MTCL3: variants seen among roughly 807,000 people sequenced by gnomAD.
The protein encoded by MTCL3 is microtubule cross-linking factor 3.
chr6:127,518,615 A>G, the MTCL3 span: 1 of 83,562 alleles, frequency 1.2e-5, no homozygotes, highest in Non-Finnish European at 2.7e-5. Flanking sequence ...TAGCTGAACA[A>G]ATCAACAGCA....
the MTCL3 span, among the ~76,000 whole-genome samples, chr6:127,501,047 C>T: frequency 5.9e-5 from 9 of 152,268 alleles, no homozygotes; most frequent in South Asian, 1.9e-3. Context: ...CTCCTGACCT[C>T]GTGATCTGCC....
chr6:127,498,381 G>A, the MTCL3 span, among the ~76,000 whole-genome samples: 1 of 152,144 alleles, frequency 6.6e-6, no homozygotes, highest in Non-Finnish European at 1.5e-5. Flanking sequence ...CCACAATGAT[G>A]TATCATTTGA....
chr6:127,498,903 T>C, the MTCL3 span, among the ~76,000 whole-genome samples: 6 of 152,096 alleles, frequency 3.9e-5, no homozygotes, highest in Non-Finnish European at 7.4e-5. Flanking sequence ...TAGTGGCTGA[T>C]TGGGGTTAGA....
At chr6:127,512,814 C>A in the MTCL3 span, 2 of 1,358,820 alleles carry the variant, frequency 1.5e-6, no homozygotes, top group South Asian at 1.6e-5. Context: ...AATTTTTTAA[C>A]AGTCATATTA....
At chr6:127,500,217 G>T in the MTCL3 span, among the ~76,000 whole-genome samples, 2 of 152,096 alleles carry the variant, frequency 1.3e-5, no homozygotes, top group Non-Finnish European at 2.9e-5. Context: ...AAAATAATCT[G>T]ACCTACAAAG....
chr6:127,518,965 G>A, the MTCL3 span: 1 of 144,624 alleles, frequency 6.9e-6, no homozygotes, highest in African/African-American at 2.5e-5. Context: ...GAGAAGGCGG[G>A]ATTGCAAGGG....
chr6:127,511,852 G>T, the MTCL3 span, among the ~76,000 whole-genome samples: 1 of 152,100 alleles, frequency 6.6e-6, no homozygotes, highest in African/African-American at 2.4e-5. Flanking sequence ...GTTGATAATT[G>T]CACTGTTATT....
At chr6:127,482,738 A>G in the MTCL3 span, among the ~76,000 whole-genome samples, 1 of 152,248 alleles carries the variant, frequency 6.6e-6, no homozygotes, top group Non-Finnish European at 1.5e-5. The surrounding 1 kb of genome is among the most constrained non-coding windows in gnomAD (Gnocchi z 4.1). Context: ...GGTTGGCTTT[A>G]TAAGTAAATA....
chr6:127,476,048 G>T, the MTCL3 span: 15 of 1,612,504 alleles, frequency 9.3e-6, no homozygotes, highest in South Asian at 1.1e-4. This position sits in a 1 kb window ranked among gnomAD's most constrained non-coding sequence, Gnocchi z 4.4. Flanking sequence ...ACGTTCCTCC[G>T]CAGCAGCTCC....
chr6:127,481,325 A>G, the MTCL3 span: 6 of 985,458 alleles, frequency 6.1e-6, no homozygotes, highest in Non-Finnish European at 7.2e-6. Flanking sequence ...AAGTGACAGC[A>G]AAGACAGAGT....
chr6:127,487,571 A>G, the MTCL3 span, among the ~76,000 whole-genome samples: 3 of 152,164 alleles, frequency 2.0e-5, no homozygotes, highest in Non-Finnish European at 2.9e-5. Flanking sequence ...TTTTCCTTCT[A>G]TTACATCCTT....
chr6:127,495,054 G>C, the MTCL3 span, among the ~76,000 whole-genome samples: 1 of 151,492 alleles, frequency 6.6e-6, no homozygotes. Flanking sequence ...AAAAGTAGCC[G>C]GGCATGGTGG....
At chr6:127,505,197 C>T in the MTCL3 span, among the ~76,000 whole-genome samples, 3 of 152,132 alleles carry the variant, frequency 2.0e-5, no homozygotes, top group Non-Finnish European at 4.4e-5. Flanking sequence ...CTAACACAGG[C>T]CCTGAGTACT....
At chr6:127,479,161 A>C in the MTCL3 span, among the ~76,000 whole-genome samples, 1 of 152,242 alleles carries the variant, frequency 6.6e-6, no homozygotes, top group Non-Finnish European at 1.5e-5. Context: ...TATGCTAAAC[A>C]AGGGGTGGAT....
the MTCL3 span, among the ~76,000 whole-genome samples, chr6:127,491,318 T>A: frequency 6.6e-6 from 1 of 152,198 alleles, no homozygotes; most frequent in Admixed American, 6.5e-5. Context: ...GCAAATCACA[T>A]TGTTGCCTTA....
chr6:127,513,027 C>A, the MTCL3 span: 1 of 1,610,900 alleles, frequency 6.2e-7, no homozygotes, highest in Non-Finnish European at 8.5e-7. Flanking sequence ...ATGGTGAAGT[C>A]TCACAGATAC....
chr6:127,507,770 G>A, the MTCL3 span, among the ~76,000 whole-genome samples: 1 of 146,538 alleles, frequency 6.8e-6, no homozygotes, highest in Non-Finnish European at 1.5e-5. Flanking sequence ...GAGAACCCAG[G>A]AAGTGGAGCT....
chr6:127,511,688 C>A, the MTCL3 span, among the ~76,000 whole-genome samples: 7 of 152,076 alleles, frequency 4.6e-5, no homozygotes, highest in Non-Finnish European at 1.0e-4. Context: ...AGCTAGTAGC[C>A]AAGGATTTTA....
chr6:127,502,475 C>T, the MTCL3 span, among the ~76,000 whole-genome samples: 1 of 152,142 alleles, frequency 6.6e-6, no homozygotes, highest in Admixed American at 6.5e-5. Context: ...TAAATACAGG[C>T]CTAGTGGAAG....
Sources: gnomAD v4.1 joint callset for allele counts (sites outside exome capture counted in the v4.1 genomes callset) on GRCh38, gnomAD v4.1.1 for gene constraint, Gnocchi (gnomAD v3.1) non-coding constraint, MANE v1.5 for transcripts, NCBI Gene and HGNC (gene_info 2026-07-23, HGNC 2026-07-21) for gene names.